FGF12: variants seen among roughly 807,000 people sequenced by gnomAD.
FGF12 encodes the protein fibroblast growth factor 12, also known as fibroblast growth factor 12B.
FGF12 carries 14 observed loss-of-function variants against 23.6 expected under a neutral mutation model. That is an observed-to-expected ratio of 0.59 (90% CI 0.39 to 0.93). FGF12 has a LOEUF of 0.93. Ranked by LOEUF, FGF12 falls within the 40% of genes least tolerant of loss-of-function variation. The pLI, the probability that FGF12 is intolerant of heterozygous loss-of-function variation, is 0.00. For missense variants in FGF12, 175 were observed against 217.8 expected (o/e 0.80, Z 1.24); for synonymous variants, 62 against 77.3 (o/e 0.80, Z 1.04).
intron 4 of FGF12, among the ~76,000 whole-genome samples, chr3:192,225,178 C>T (rs551701423): frequency 6.6e-6 from 1 of 152,236 alleles, no homozygotes; most frequent in African/African-American, 2.4e-5. Flanking sequence ...CTGAATTTAA[C>T]TTAAACCTTG....
At chr3:192,528,567 G>A (rs1725010378) in intron 2 of FGF12, among the ~76,000 whole-genome samples, 1 of 152,154 alleles carries the variant, frequency 6.6e-6, no homozygotes, top group Admixed American at 6.5e-5. Context: ...CTACTAGACA[G>A]TGCCCCAGTA....
At chr3:192,689,139 G>A (rs78150135) in intron 2 of FGF12, among the ~76,000 whole-genome samples, 5,145 of 152,222 alleles carry the variant, frequency 0.034, 126 homozygotes, top group Non-Finnish European at 0.048. Flanking sequence ...CACATAGATA[G>A]ATAGAAGGAA....
At chr3:192,440,065 G>A (rs1042209292) in intron 2 of FGF12, among the ~76,000 whole-genome samples, 3 of 151,952 alleles carry the variant, frequency 2.0e-5, no homozygotes, top group African/African-American at 7.3e-5. Context: ...TCCAGGGGCT[G>A]AGTGGAGGTA....
At chr3:192,347,115 T>A (rs575257690) in intron 3 of FGF12, among the ~76,000 whole-genome samples, 133 of 152,304 alleles carry the variant, frequency 8.7e-4, no homozygotes, top group African/African-American at 3.1e-3. Context: ...TAAAATTGCC[T>A]GGAATTGAAG....
At chr3:192,664,205 C>A (rs893321022) in intron 2 of FGF12, among the ~76,000 whole-genome samples, 2 of 152,102 alleles carry the variant, frequency 1.3e-5, no homozygotes, top group African/African-American at 4.8e-5. Flanking sequence ...TAAAAAGATA[C>A]CTTAATAATA....
chr3:192,475,063 C>T (rs1391627593), intron 2 of FGF12, among the ~76,000 whole-genome samples: 5 of 152,108 alleles, frequency 3.3e-5, no homozygotes, highest in African/African-American at 9.7e-5. Flanking sequence ...ATCCTTCTAA[C>T]AATTCCTTCT....
chr3:192,166,888 A>C (rs1715190528), intron 5 of FGF12, among the ~76,000 whole-genome samples: 1 of 152,106 alleles, frequency 6.6e-6, no homozygotes, highest in South Asian at 2.1e-4. Flanking sequence ...TCACACCTAG[A>C]GAGACAAAAA....
At chr3:192,374,178 A>ATGCT (rs1719369032) in intron 2 of FGF12, among the ~76,000 whole-genome samples, 1 of 152,228 alleles carries the variant, frequency 6.6e-6, no homozygotes, top group African/African-American at 2.4e-5. Flanking sequence ...TTTTTATCTG[A>ATGCT]TGCTTCAAAA....
chr3:192,487,053 C>T (rs772055624), intron 2 of FGF12, among the ~76,000 whole-genome samples: 1 of 152,016 alleles, frequency 6.6e-6, no homozygotes, highest in African/African-American at 2.4e-5. Context: ...AGCCTGCAGT[C>T]CTGCCTAGAA....
intron 2 of FGF12, among the ~76,000 whole-genome samples, chr3:192,623,415 T>C (rs1398624119): frequency 1.1e-5 from 1 of 92,492 alleles, no homozygotes; most frequent in Non-Finnish European, 2.1e-5. Flanking sequence ...TGTAAACTGC[T>C]ACTAATACAG....
At chr3:192,555,749 G>A (rs968628352) in intron 2 of FGF12, among the ~76,000 whole-genome samples, 2 of 150,940 alleles carry the variant, frequency 1.3e-5, no homozygotes, top group Non-Finnish European at 2.9e-5. Flanking sequence ...AGCGAGCCGA[G>A]ATCATGCCAT....
At chr3:192,211,829 A>T (rs1717945261) in intron 4 of FGF12, among the ~76,000 whole-genome samples, 1 of 152,214 alleles carries the variant, frequency 6.6e-6, no homozygotes, top group South Asian at 2.1e-4. Context: ...TAAATGCTTT[A>T]AAAAAGACAT....
intron 2 of FGF12, among the ~76,000 whole-genome samples, chr3:192,612,526 A>G (rs539618703): frequency 6.6e-6 from 1 of 152,088 alleles, no homozygotes; most frequent in East Asian, 1.9e-4. Flanking sequence ...GGCTGATTAA[A>G]TACATTATGA....
At chr3:192,522,505 G>A (rs1217919715) in intron 2 of FGF12, among the ~76,000 whole-genome samples, 1 of 152,098 alleles carries the variant, frequency 6.6e-6, no homozygotes, top group Non-Finnish European at 1.5e-5. Flanking sequence ...TACATTCTTG[G>A]TAAAAGTAAG....
chr3:192,720,541 A>G (rs1369240480), intron 2 of FGF12, among the ~76,000 whole-genome samples: 1 of 152,228 alleles, frequency 6.6e-6, no homozygotes, highest in African/African-American at 2.4e-5. Flanking sequence ...GCATGCAAGG[A>G]TGCTAATAAG....
intron 4 of FGF12, among the ~76,000 whole-genome samples, chr3:192,291,858 A>G (rs573545177): frequency 6.6e-6 from 1 of 152,214 alleles, no homozygotes; most frequent in East Asian, 1.9e-4. Context: ...AAGATTGTGA[A>G]TCTTAACTAA....
chr3:192,518,993 A>T (rs1340119432), intron 2 of FGF12, among the ~76,000 whole-genome samples: 1 of 151,948 alleles, frequency 6.6e-6, no homozygotes, highest in Non-Finnish European at 1.5e-5. Flanking sequence ...CCACTTATGC[A>T]AATGTTATAA....
At chr3:192,478,826 A>G (rs1723400244) in intron 2 of FGF12, among the ~76,000 whole-genome samples, 1 of 152,212 alleles carries the variant, frequency 6.6e-6, no homozygotes, top group Non-Finnish European at 1.5e-5. Flanking sequence ...CATAAACTCA[A>G]AAGAAACAGT....
At chr3:192,413,734 C>G (rs1721265285) in intron 2 of FGF12, among the ~76,000 whole-genome samples, 2 of 152,210 alleles carry the variant, frequency 1.3e-5, no homozygotes, top group Admixed American at 1.3e-4. Flanking sequence ...GTCTTGAGAA[C>G]ACAAAGAAGT....
Sources: allele counts gnomAD v4.1 joint callset (sites outside exome capture counted in the v4.1 genomes callset), GRCh38; gene constraint gnomAD v4.1.1; transcripts MANE v1.5; gene names NCBI Gene and HGNC (gene_info 2026-07-23, HGNC 2026-07-21).